GSE1: variants seen among roughly 807,000 people sequenced by gnomAD.
GSE1 encodes genetic suppressor element 1.
GSE1 carries 32 observed loss-of-function variants against 112.6 expected under a neutral mutation model. The observed-to-expected ratio is 0.28, with a 90% CI of 0.21 to 0.38. The LOEUF (loss-of-function observed/expected upper bound fraction) is 0.38, where lower values mean the gene tolerates loss of function less well. Ranked by LOEUF, GSE1 falls within the 10% of genes least tolerant of loss-of-function variation. The pLI is 1.00. For synonymous variants in GSE1, 1,115 were observed against 735.6 expected (o/e 1.52, Z -8.35); for missense variants, 2,348 against 1,699.2 (o/e 1.38, Z -6.71).
chr16:85,183,481 C>T (rs2074637385), intron 1 of GSE1, among the ~76,000 whole-genome samples: 1 of 152,176 alleles, frequency 6.6e-6, no homozygotes, highest in African/African-American at 2.4e-5. Context: ...AGCCAGGGCA[C>T]CCAGACTCCT....
intron 1 of GSE1, among the ~76,000 whole-genome samples, chr16:85,347,195 G>A (rs559831117): frequency 9.2e-5 from 14 of 152,242 alleles, no homozygotes; most frequent in African/African-American, 3.4e-4. Flanking sequence ...GGGGCAGGCT[G>A]GGGGTTGGGG....
At chr16:85,519,725 C>CCAT (rs768029923) in intron 2 of GSE1, among the ~76,000 whole-genome samples, 1 of 145,892 alleles carries the variant, frequency 6.9e-6, no homozygotes, top group African/African-American at 2.5e-5. Flanking sequence ...ATCATCATCA[C>CCAT]CATCACCATC....
At chr16:85,538,040 G>A (rs2044391812) in intron 2 of GSE1, among the ~76,000 whole-genome samples, 1 of 152,194 alleles carries the variant, frequency 6.6e-6, no homozygotes, top group Admixed American at 6.5e-5. Flanking sequence ...CCCCTCCCTG[G>A]GCACCATTTC....
chr16:85,313,795 T>C (rs928888356), intron 1 of GSE1, among the ~76,000 whole-genome samples: 2 of 152,226 alleles, frequency 1.3e-5, no homozygotes, highest in Non-Finnish European at 2.9e-5. Flanking sequence ...GAGCTGGCAA[T>C]GTCCACCCTG....
intron 1 of GSE1, among the ~76,000 whole-genome samples, chr16:85,214,178 C>T (rs62049804): frequency 0.02 from 3,018 of 152,290 alleles, 47 homozygotes; most frequent in Middle Eastern, 0.037. Context: ...TGGGCGGCCT[C>T]CGCTCACCCA....
chr16:85,528,763 G>A (rs528792522), intron 2 of GSE1, among the ~76,000 whole-genome samples: 1 of 152,076 alleles, frequency 6.6e-6, no homozygotes, highest in Non-Finnish European at 1.5e-5. Context: ...ATGTCTTATC[G>A]TCTGGGGGAA....
At chr16:85,590,173 ATT>A (rs1391059899) in intron 1 of GSE1, among the ~76,000 whole-genome samples, 1 of 151,864 alleles carries the variant, frequency 6.6e-6, no homozygotes, top group African/African-American at 2.4e-5. Flanking sequence ...TGTGTGTGAC[ATT>A]GTGTATGTCA....
intron 1 of GSE1, among the ~76,000 whole-genome samples, chr16:85,303,400 A>G (rs1314691324): frequency 1.3e-5 from 2 of 152,052 alleles, no homozygotes; most frequent in African/African-American, 2.4e-5. Context: ...GTGGTTTCCC[A>G]CCTGTCGGTC....
rs113092415 is a variant in GSE1 at position 85,654,862 on chromosome 16, G to A, written c.668G>A (p.Arg223Gln). ...ACCGAGGACTACCTGAGAAGCTTCC[G>A]GCCCTACCACACCACCGACGACCTC... Reference protein sequence around the residue: ...TVTEDYLRSFRPYHTTDDLRM... With the variant: ...TVTEDYLRSFQPYHTTDDLRM... Residue 223 changes from arginine (R) to glutamine (Q), a missense_variant, in exon 5 of 16, where the codon CGG becomes CAG. Transcript: ENST00000253458. 20 of 1,611,628 alleles carry A rather than the reference G, an allele frequency of 1.2e-5. No individual in the cohort carries two copies. The East Asian group carries it at 2.0e-4, about 16-fold the overall frequency.
intron 2 of GSE1, among the ~76,000 whole-genome samples, chr16:85,640,855 T>G (rs1285282396): frequency 2.0e-5 from 3 of 152,226 alleles, no homozygotes; most frequent in Non-Finnish European, 4.4e-5. Context: ...CGCGCAGGTG[T>G]GAGCGCCGCG....
intron 2 of GSE1, among the ~76,000 whole-genome samples, chr16:85,639,611 C>T (rs543291628): frequency 1.1e-4 from 16 of 152,366 alleles, no homozygotes; most frequent in Admixed American, 3.3e-4. Flanking sequence ...GCCCCGGGAA[C>T]GCCTGTGCGT....
intron 1 of GSE1, among the ~76,000 whole-genome samples, chr16:85,257,282 G>A (rs2144075777): frequency 1.3e-5 from 2 of 152,192 alleles, no homozygotes; most frequent in South Asian, 2.1e-4. Context: ...GCTAATTTTT[G>A]TATTTTTAGT....
intron 1 of GSE1, among the ~76,000 whole-genome samples, chr16:85,624,481 C>G (rs976800374): frequency 1.3e-5 from 2 of 152,126 alleles, no homozygotes; most frequent in Admixed American, 1.3e-4. Context: ...GTCCGTAAAA[C>G]GGGTATAGCA....
intron 2 of GSE1, among the ~76,000 whole-genome samples, chr16:85,532,853 G>A (rs2044180825): frequency 6.6e-6 from 1 of 152,246 alleles, no homozygotes; most frequent in African/African-American, 2.4e-5. Flanking sequence ...CATGTGCCGT[G>A]AAGTGGGCCG....
At chr16:85,236,953 G>A (rs1315373815) in intron 1 of GSE1, among the ~76,000 whole-genome samples, 1 of 152,196 alleles carries the variant, frequency 6.6e-6, no homozygotes, top group Non-Finnish European at 1.5e-5. Context: ...TGCACCCTGA[G>A]TGCATTTATG....
Position 85,339,367 on chromosome 16 carries a change from A to T in GSE1, c.2284-18096A>T, listed in dbSNP as rs576207415. Among the ~76,000 whole-genome samples the T allele has an allele frequency of 3.9e-5, 6 of 152,078 alleles. No individual in the cohort carries two copies. The South Asian group carries it at 1.2e-3, about 32-fold the overall frequency. On this transcript the variant is annotated intron_variant, in intron 1 of 2. Coordinates refer to the GSE1 transcript ENST00000637419. Reference sequence around the variant, plus strand: ...CAGGGCTGTGCTCGCTCCAGCCGTGATTTCTCCGGACAAATGGCCGCGGTG... The same window carrying T: ...CAGGGCTGTGCTCGCTCCAGCCGTGTTTTCTCCGGACAAATGGCCGCGGTG...
intron 2 of GSE1, among the ~76,000 whole-genome samples, chr16:85,546,230 G>C (rs181423601): frequency 1.3e-5 from 2 of 152,126 alleles, no homozygotes; most frequent in African/African-American, 4.8e-5. Context: ...GATTACAGAC[G>C]TGCGCCACTG....
chr16:85,655,803 T>G lies in GSE1; in HGVS notation c.875T>G (p.Leu292Arg). ...PIPTPGSLPP[L>R]HPSAMHLHLS... ...CCCACCCCCGGCTCCCTGCCCCCAC[T>G]GCACCCATCAGCGATGCACCTGCAC... The change falls in exon 6 of 16, where the codon CTG (leucine) becomes CGG (arginine). Residue 292 changes from leucine (L) to arginine (R), a missense_variant. By Grantham distance (102) the Leu-to-Arg change is moderately radical. Coordinates refer to ENST00000253458, the MANE Select transcript of GSE1 (RefSeq NM_014615.5). 1 of 1,274,926 alleles carries G rather than the reference T, an allele frequency of 7.8e-7. No homozygotes were observed. The highest frequency in any genetic ancestry group is 2.0e-4 in the Middle Eastern group (1 of 5,116). 79.0% of individuals were successfully genotyped at this position (1,274,926 alleles called of 1,614,324 possible). A position where few individuals can be genotyped will look rare whatever the true frequency, so the allele number is the denominator to read the frequency against.
chr16:85,450,882 G>A (rs1293648214), intron 2 of GSE1, among the ~76,000 whole-genome samples: 1 of 152,016 alleles, frequency 6.6e-6, no homozygotes, highest in Non-Finnish European at 1.5e-5. Context: ...CCAATATGGT[G>A]AAACCATCCC....
Sources: gnomAD v4.1 joint callset for allele counts (sites outside exome capture counted in the v4.1 genomes callset) on GRCh38, gnomAD v4.1.1 for gene constraint, MANE v1.5 for transcripts, NCBI Gene and HGNC (gene_info 2026-07-23, HGNC 2026-07-21) for gene names.